Variants in GPC3 observed in about 807,000 individuals in gnomAD.
GPC3 encodes the protein glypican-3.
In GPC3, 3 loss-of-function variants were observed where a neutral mutation model predicts 34.4. That is an observed-to-expected ratio of 0.09 (90% CI 0.04 to 0.23). The LOEUF is 0.23. GPC3 is among the 10% of genes least tolerant of loss of function. The pLI, the probability that GPC3 is intolerant of heterozygous loss-of-function variation, is 1.00. For missense variants in GPC3, 351 were observed against 445.6 expected, an observed-to-expected ratio of 0.79 and a Z score of 1.91; for synonymous variants, 177 against 174.0, an observed-to-expected ratio of 1.02 and a Z score of -0.13.
intron 6 of GPC3, among the ~76,000 whole-genome samples, chrX:133,651,049 C>T (rs2070596327): frequency 1.8e-5 from 2 of 111,884 alleles, no homozygotes; most frequent in African/African-American, 6.5e-5. Context: ...GACTCTCAGT[C>T]ACATACCAGT....
intron 1 of GPC3, among the ~76,000 whole-genome samples, chrX:133,967,153 A>T (rs771025586): frequency 2.1e-3 from 234 of 112,195 alleles, no homozygotes; most frequent in Non-Finnish European, 3.5e-3. Context: ...TACATTAGTG[A>T]ATTCACTTTT....
At chrX:133,850,200 T>G (rs1162480082) in intron 2 of GPC3, among the ~76,000 whole-genome samples, 2 of 102,109 alleles carry the variant, frequency 2.0e-5, no homozygotes, top group Admixed American at 2.1e-4. Flanking sequence ...TTTTGTTTTT[T>G]TTTTTTTTTT....
At chrX:133,588,180 G>A (rs557136731) in intron 7 of GPC3, among the ~76,000 whole-genome samples, 13 of 111,219 alleles carry the variant, frequency 1.2e-4, no homozygotes, top group Admixed American at 5.8e-4. Context: ...TACAACTTAC[G>A]TGACAAAGAT....
chrX:133,545,691 T>C (rs1167342114), intron 7 of GPC3, among the ~76,000 whole-genome samples: 1 of 111,628 alleles, frequency 9.0e-6, no homozygotes, highest in Non-Finnish European at 1.9e-5. Flanking sequence ...TGTTAGACGG[T>C]GCCTCTAGAA....
intron 3 of GPC3, among the ~76,000 whole-genome samples, chrX:133,727,011 G>C (rs760044600): frequency 8.9e-6 from 1 of 112,015 alleles, no homozygotes; most frequent in African/African-American, 3.2e-5. Flanking sequence ...TCTTCTCAAA[G>C]GGAAAGGCAA....
chrX:133,813,278 G>A (rs1345281617), intron 2 of GPC3, among the ~76,000 whole-genome samples: 1 of 112,520 alleles, frequency 8.9e-6, no homozygotes, highest in Non-Finnish European at 1.9e-5. Flanking sequence ...GCTTCTGTTA[G>A]GGCAAAGAAT....
At chrX:133,844,804 T>G (rs1254884374) in intron 2 of GPC3, among the ~76,000 whole-genome samples, 4 of 111,611 alleles carry the variant, frequency 3.6e-5, no homozygotes, top group African/African-American at 6.5e-5. Context: ...TAACAGCATA[T>G]AAGGAAAAAT....
intron 1 of GPC3, among the ~76,000 whole-genome samples, chrX:133,979,567 G>C (rs1201917946): frequency 9.0e-6 from 1 of 111,708 alleles, no homozygotes; most frequent in Non-Finnish European, 1.9e-5. Flanking sequence ...GTTCCAATGA[G>C]CATTCTCACC....
intron 2 of GPC3, among the ~76,000 whole-genome samples, chrX:133,842,342 A>C: frequency 9.7e-6 from 1 of 103,046 alleles, no homozygotes. Flanking sequence ...TAATAATTAA[A>C]TTTTTAAAAA....
intron 2 of GPC3, among the ~76,000 whole-genome samples, chrX:133,850,646 C>T (rs747845430): frequency 9.0e-6 from 1 of 111,209 alleles, no homozygotes. Context: ...ATGTACAAGG[C>T]ATATCTATTT....
At chrX:133,895,693 C>T (rs759135627) in intron 2 of GPC3, among the ~76,000 whole-genome samples, 3 of 111,427 alleles carry the variant, frequency 2.7e-5, no homozygotes, top group Non-Finnish European at 3.8e-5. Context: ...TAATGCACAG[C>T]GAATCACATA....
chrX:133,678,218 G>C (rs1423477548), intron 5 of GPC3, among the ~76,000 whole-genome samples: 1 of 111,900 alleles, frequency 8.9e-6, no homozygotes, highest in African/African-American at 3.3e-5. Context: ...GTGGCACTTG[G>C]GAAGCTCCAT....
chrX:133,737,105 C>T (rs2071518166), intron 3 of GPC3, among the ~76,000 whole-genome samples: 1 of 112,062 alleles, frequency 8.9e-6, no homozygotes, highest in African/African-American at 3.2e-5. Flanking sequence ...GTGAAAGAAG[C>T]TAATGTGAAA....
intron 5 of GPC3, 26 bp from the exon 6 acceptor site, chrX:133,661,876 G>T (rs1430728253): frequency 3.3e-6 from 4 of 1,194,522 alleles, no homozygotes; most frequent in African/African-American, 1.8e-5. Context: ...TAAAGAAAAG[G>T]TTTGTCAAAG....
At chrX:133,651,223 G>A (rs1425233090) in intron 6 of GPC3, among the ~76,000 whole-genome samples, 1 of 107,235 alleles carries the variant, frequency 9.3e-6, no homozygotes, top group Non-Finnish European at 1.9e-5. Context: ...TCGCTCTGTC[G>A]CCCAGGCTGG....
In GPC3 at chrX:133,985,314, G is replaced by T; in HGVS notation, c.136C>A (p.Gln46Lys). ...TCTGGCACCCACTTGAGTCCGGGCT[G>T]CAGTCTCTGGAAGAAGGAGCGGACT... Reference protein sequence around the residue: ...HQVRSFFQRLQPGLKWVPETP... With the variant: ...HQVRSFFQRLKPGLKWVPETP... Residue 46 changes from glutamine (Q) to lysine (K), a missense_variant, in exon 1 of 8, where the codon CAG (glutamine) becomes AAG (lysine). Coordinates refer to ENST00000370818, the MANE Select transcript of GPC3 (RefSeq NM_004484.4). The T allele has an allele frequency of 2.5e-6, 3 of 1,210,552 alleles. No homozygotes were observed. In the South Asian group the frequency reaches 5.3e-5, roughly 21 times the overall value.
At chrX:133,980,551 A>T (rs1156967923) in intron 1 of GPC3, among the ~76,000 whole-genome samples, 1 of 112,218 alleles carries the variant, frequency 8.9e-6, no homozygotes, top group Non-Finnish European at 1.9e-5. Context: ...AAAGCTAGAG[A>T]TCAGAGTAAA....
intron 3 of GPC3, among the ~76,000 whole-genome samples, chrX:133,708,902 C>T (rs1408340715): frequency 8.9e-6 from 1 of 112,227 alleles, no homozygotes; most frequent in Non-Finnish European, 1.9e-5. Flanking sequence ...ATCTGATTAA[C>T]TTGTCAAACT....
chrX:133,723,263 T>C (rs1255370756), intron 3 of GPC3, among the ~76,000 whole-genome samples: 1 of 111,490 alleles, frequency 9.0e-6, no homozygotes, highest in Non-Finnish European at 1.9e-5. Context: ...GTGTGACTAG[T>C]TAGGGCAATT....
Sources: gnomAD v4.1 joint callset for allele counts (sites outside exome capture counted in the v4.1 genomes callset) on GRCh38, gnomAD v4.1.1 for gene constraint, MANE v1.5 for transcripts, NCBI Gene and HGNC (gene_info 2026-07-23, HGNC 2026-07-21) for gene names.